The following THSD7B variants were observed in gnomAD, a reference collection of about 807,000 sequenced individuals.
THSD7B encodes thrombospondin type 1 domain containing 7B.
Under a neutral mutation model 213.6 loss-of-function variants are expected in THSD7B, and 138 were observed. That is an observed-to-expected ratio of 0.65 (90% CI 0.56 to 0.74). The LOEUF (loss-of-function observed/expected upper bound fraction) is 0.74, where lower values mean the gene tolerates loss of function less well. Ranked by LOEUF, THSD7B falls within the 30% of genes least tolerant of loss-of-function variation. The pLI is 0.00. For synonymous variants in THSD7B, 742 were observed against 687.0 expected, an observed-to-expected ratio of 1.08 and a Z score of -1.25; for missense variants, 1,931 against 1,991.5, an observed-to-expected ratio of 0.97 and a Z score of 0.58.
chr2:137,537,919 T>TA (rs552506802), intron 15 of THSD7B, among the ~76,000 whole-genome samples: 17 of 151,820 alleles, frequency 1.1e-4, no homozygotes, highest in Non-Finnish European at 1.8e-4. Flanking sequence ...AAGATGGCAG[T>TA]AATTAAACTA....
At chr2:137,161,322 C>T (rs1204964847) in intron 6 of THSD7B, among the ~76,000 whole-genome samples, 1 of 151,958 alleles carries the variant, frequency 6.6e-6, no homozygotes, top group Non-Finnish European at 1.5e-5. Flanking sequence ...TTTCCTTTAC[C>T]AAGAGAAATG....
At chr2:136,875,315 G>A (rs184817181) in intron 1 of THSD7B, among the ~76,000 whole-genome samples, 40 of 152,250 alleles carry the variant, frequency 2.6e-4, no homozygotes, top group East Asian at 1.4e-3. Context: ...CCAGCTGCTC[G>A]GGAGGCTGAG....
At chr2:136,799,941 A>C (rs1443152609) in intron 1 of THSD7B, among the ~76,000 whole-genome samples, 2 of 151,988 alleles carry the variant, frequency 1.3e-5, no homozygotes, top group African/African-American at 4.8e-5. Flanking sequence ...CCCATGAAAT[A>C]ACTATGTCAA....
chr2:137,079,661 G>A (rs565418721), intron 3 of THSD7B, among the ~76,000 whole-genome samples: 17 of 152,248 alleles, frequency 1.1e-4, no homozygotes, highest in Non-Finnish European at 1.9e-4. Context: ...ACCTTTATGT[G>A]TCAGTGTAAA....
intron 12 of THSD7B, among the ~76,000 whole-genome samples, chr2:137,279,823 A>G (rs1277525026): frequency 1.3e-5 from 2 of 152,180 alleles, no homozygotes; most frequent in Admixed American, 6.6e-5. Context: ...CATAACCTGC[A>G]CATATGACTT....
intron 9 of THSD7B, among the ~76,000 whole-genome samples, chr2:137,241,076 A>G (rs1343821432): frequency 2.0e-5 from 3 of 152,122 alleles, no homozygotes; most frequent in Non-Finnish European, 4.4e-5. Flanking sequence ...CTTTGGGTCC[A>G]TTACTTATTT....
chr2:137,024,692 C>T (rs1407115263), intron 2 of THSD7B, among the ~76,000 whole-genome samples: 2 of 151,192 alleles, frequency 1.3e-5, no homozygotes, highest in Non-Finnish European at 3.0e-5. Context: ...TAAAAGTGTA[C>T]ACACACACAC....
chr2:137,506,295 C>T (rs1386235745), intron 15 of THSD7B, among the ~76,000 whole-genome samples: 1 of 152,210 alleles, frequency 6.6e-6, no homozygotes, highest in African/African-American at 2.4e-5. Context: ...GATGCCTCTT[C>T]TTCAAAAACT....
Position 136,835,774 on chromosome 2 carries a change from C to T in THSD7B, c.-35-46370C>T, listed in dbSNP as rs182423180. On this transcript the variant is annotated intron_variant, in intron 1 of 27. Transcript: ENST00000409968. ...CCTTTCTGAAAATATGCCATACTTC[C>T]TGAATTCCATGGCCCAAGAAGAGAA... Among the ~76,000 whole-genome samples, 4 of 152,204 alleles carry T rather than the reference C, an allele frequency of 2.6e-5. No homozygotes were observed. The East Asian group carries it at 7.7e-4, about 29-fold the overall frequency.
chr2:137,665,413 T>A (rs896713158), intron 26 of THSD7B, among the ~76,000 whole-genome samples: 3 of 152,120 alleles, frequency 2.0e-5, no homozygotes, highest in South Asian at 4.1e-4. Flanking sequence ...TATTCACACA[T>A]ATATGTATAT....
At chr2:137,404,651 T>C (rs1253208531) in intron 12 of THSD7B, among the ~76,000 whole-genome samples, 2 of 151,098 alleles carry the variant, frequency 1.3e-5, no homozygotes, top group African/African-American at 4.9e-5. Flanking sequence ...ATATATAATA[T>C]ATATGATGGA....
chr2:137,110,123 A>ATC (rs1412789533), intron 4 of THSD7B, among the ~76,000 whole-genome samples: 2 of 151,864 alleles, frequency 1.3e-5, no homozygotes, highest in Non-Finnish European at 2.9e-5. Context: ...CTCCTCGTCC[A>ATC]TCTCTCTCTC....
Position 137,166,077 on chromosome 2 carries a change from A to G in THSD7B, c.1526-4664A>G, listed in dbSNP as rs184357653. The stretch of plus-strand genomic sequence containing the variant: ...TTAATCAGAAATCCTTCCATTAGGA[A>G]TCATGGAAGGCTTGTGGCTGTTGGT... On this transcript the variant is annotated intron_variant, in intron 6 of 27. Transcript: ENST00000409968. Among the ~76,000 whole-genome samples the G allele has an allele frequency of 2.6e-5, 4 of 152,284 alleles. No individual in the cohort carries two copies. The East Asian group carries it at 7.7e-4, about 29-fold the overall frequency.
intron 12 of THSD7B, among the ~76,000 whole-genome samples, chr2:137,283,134 T>C (rs1055679616): frequency 2.0e-5 from 3 of 152,160 alleles, no homozygotes; most frequent in African/African-American, 7.2e-5. Context: ...CCCTTGTAAG[T>C]TGGATTCCTA....
At chr2:137,115,612 G>A (rs1688435447) in intron 5 of THSD7B, among the ~76,000 whole-genome samples, 1 of 152,060 alleles carries the variant, frequency 6.6e-6, no homozygotes, top group African/African-American at 2.4e-5. Flanking sequence ...TGAATGAATG[G>A]CATTCTTTTT....
chr2:137,195,509 T>C (rs1180496417), intron 7 of THSD7B, among the ~76,000 whole-genome samples: 1 of 152,116 alleles, frequency 6.6e-6, no homozygotes. Context: ...AATATTTAAA[T>C]GGTGGGAATA....
At chr2:137,157,899 A>T (rs76579270) in intron 5 of THSD7B, among the ~76,000 whole-genome samples, 13 of 152,308 alleles carry the variant, frequency 8.5e-5, no homozygotes, top group African/African-American at 2.9e-4. Context: ...CTTTTCCATC[A>T]TTACCAAGGT....
intron 2 of THSD7B, among the ~76,000 whole-genome samples, chr2:137,049,516 T>C (rs773015841): frequency 2.6e-5 from 4 of 152,148 alleles, no homozygotes; most frequent in Admixed American, 6.5e-5. Context: ...TGATAGTAGG[T>C]GTTCAAAAAA....
chr2:137,445,857 A>G (rs1311280313), intron 14 of THSD7B, among the ~76,000 whole-genome samples: 2 of 151,958 alleles, frequency 1.3e-5, no homozygotes, highest in Non-Finnish European at 2.9e-5. Flanking sequence ...GTATCAAAAT[A>G]TCACATGTAC....
Sources: allele counts gnomAD v4.1 joint callset (sites outside exome capture counted in the v4.1 genomes callset), GRCh38; gene constraint gnomAD v4.1.1; transcripts MANE v1.5; gene names NCBI Gene and HGNC (gene_info 2026-07-23, HGNC 2026-07-21).